Variants in STON2 observed in about 807,000 individuals in gnomAD.
STON2 encodes stonin-2.
Under a neutral mutation model 65.7 loss-of-function variants are expected in STON2, and 29 were observed. The ratio of observed to expected loss-of-function variants is 0.44; its 90% CI spans 0.33 to 0.60. The LOEUF is 0.60. STON2 is among the 20% of genes least tolerant of loss of function. The pLI, the probability that STON2 is intolerant of heterozygous loss-of-function variation, is 0.03. For synonymous variants in STON2, 404 were observed against 414.2 expected, an observed-to-expected ratio of 0.98 and a Z score of 0.30; for missense variants, 1,054 against 1,118.1, an observed-to-expected ratio of 0.94 and a Z score of 0.82.
intron 3 of STON2, among the ~76,000 whole-genome samples, chr14:81,393,811 G>A (rs1045191023): frequency 3.3e-5 from 5 of 152,172 alleles, no homozygotes; most frequent in Admixed American, 1.3e-4. Flanking sequence ...TCAGTGTTAG[G>A]TGTTCAGTAA....
chr14:81,314,915 GCT>G (rs975373054), intron 5 of STON2, among the ~76,000 whole-genome samples: 1 of 152,084 alleles, frequency 6.6e-6, no homozygotes, highest in African/African-American at 2.4e-5. Flanking sequence ...AAGTGGCATG[GCT>G]CACTGCAGCC....
intron 3 of STON2, among the ~76,000 whole-genome samples, chr14:81,378,167 AC>A (rs1385280035): frequency 6.7e-6 from 1 of 150,036 alleles, no homozygotes; most frequent in East Asian, 2.0e-4. Context: ...TTTAATGGGA[AC>A]TTTTTACTGT....
At chr14:81,299,456 C>T (rs1030734780) in intron 5 of STON2, among the ~76,000 whole-genome samples, 1 of 152,088 alleles carries the variant, frequency 6.6e-6, no homozygotes, top group Non-Finnish European at 1.5e-5. Context: ...ACCTATTCAG[C>T]GTTGTAATGG....
intron 3 of STON2, among the ~76,000 whole-genome samples, chr14:81,377,327 T>C (rs1899300294): frequency 6.6e-6 from 1 of 152,208 alleles, no homozygotes; most frequent in African/African-American, 2.4e-5. Flanking sequence ...TTCATCTGAG[T>C]TGTTGCATGT....
chr14:81,379,299 T>C (rs988870561), intron 3 of STON2, among the ~76,000 whole-genome samples: 1 of 151,966 alleles, frequency 6.6e-6, no homozygotes, highest in Non-Finnish European at 1.5e-5. Context: ...ATGAAGCATA[T>C]GTAGTATCAA....
chr14:81,434,126 C>T (rs533016257), intron 1 of STON2, among the ~76,000 whole-genome samples: 12 of 152,206 alleles, frequency 7.9e-5, no homozygotes, highest in East Asian at 1.9e-4. Context: ...TGTGCCACGG[C>T]GCCTCCATTC....
intron 5 of STON2, among the ~76,000 whole-genome samples, chr14:81,303,835 C>T (rs1896065781): frequency 1.3e-5 from 2 of 152,172 alleles, no homozygotes; most frequent in Admixed American, 6.5e-5. Flanking sequence ...CCCTTTTAAC[C>T]TCCTTGAAGT....
intron 1 of STON2, chr14:81,436,277 G>C (rs1220934000): frequency 6.6e-6 from 1 of 151,562 alleles, no homozygotes; most frequent in Non-Finnish European, 1.5e-5. Context: ...GGCCCCTCTT[G>C]GGGGGCGCGC....
Position 81,371,010 on chromosome 14 carries a change from C to G in STON2, c.549G>C (p.Gln183His), listed in dbSNP as rs1259864074. ...LINAEEQTSGQASGADSTDKR... is the reference protein window; with the variant it reads ...LINAEEQTSGHASGADSTDKR... ...TACCAGTTGAGTCAGCCCCAGAAGC[C>G]TGGCCACTCGTCTGCTCCTCAGCAT... Residue 183 changes from glutamine (Q) to histidine (H), a missense_variant, in exon 4 of 8, where the codon CAG becomes CAC. By Grantham distance (24) the Gln-to-His change is conservative. Transcript: ENST00000614646. 3 of 1,612,788 alleles carry G rather than the reference C, an allele frequency of 1.9e-6. No homozygotes were observed. In the African/African-American group the frequency reaches 4.0e-5, roughly 22 times the overall value.
intron 4 of STON2, among the ~76,000 whole-genome samples, chr14:81,356,561 T>C (rs1898242854): frequency 6.6e-6 from 1 of 152,200 alleles, no homozygotes; most frequent in Non-Finnish European, 1.5e-5. Context: ...TTCTATTGAT[T>C]GGAATAGTTT....
At chr14:81,273,306 A>G (rs1306576438) in intron 6 of STON2, among the ~76,000 whole-genome samples, 2 of 152,232 alleles carry the variant, frequency 1.3e-5, no homozygotes, top group Non-Finnish European at 1.5e-5. Flanking sequence ...AATGCATTAA[A>G]TAAGTCCACA....
At chr14:81,337,187 G>C (rs1897405762) in intron 4 of STON2, among the ~76,000 whole-genome samples, 1 of 152,190 alleles carries the variant, frequency 6.6e-6, no homozygotes, top group African/African-American at 2.4e-5. Flanking sequence ...ATTGACCTTT[G>C]TGTTTCAATC....
intron 1 of STON2, among the ~76,000 whole-genome samples, chr14:81,427,784 A>G (rs1161510828): frequency 6.6e-6 from 1 of 152,042 alleles, no homozygotes; most frequent in African/African-American, 2.4e-5. Flanking sequence ...CTGACCGTGC[A>G]AAAACAAAAG....
In STON2 at chr14:81,267,305, G is replaced by A. The variant is rs747241348; in HGVS notation, c.*1109C>T. The A allele has an allele frequency of 9.2e-4, 911 of 985,254 alleles. 1 individual carries two copies. The highest frequency in any genetic ancestry group is 2.1e-3 in the Middle Eastern group (4 of 1,914). The allele number at this position is 985,254 out of a possible 1,614,324, so 61.0% of individuals were successfully genotyped here. On this transcript the variant is annotated 3_prime_UTR_variant, in exon 8 of 8. Coordinates refer to ENST00000614646, the MANE Select transcript of STON2 (RefSeq NM_001394390.1). ...CATTAGAAAAATATGGCTTTTCCAC[G>A]TCTCTACCCTAGAGATGCCTTTTCA...
chr14:81,425,688 A>T (rs73344119), intron 2 of STON2, among the ~76,000 whole-genome samples: 12,139 of 152,154 alleles, frequency 0.08, 780 homozygotes, highest in East Asian at 0.18. Flanking sequence ...ATACTAAAAC[A>T]CTGTCATCCA....
At chr14:81,313,644 A>G (rs1245460213) in intron 5 of STON2, among the ~76,000 whole-genome samples, 5 of 151,956 alleles carry the variant, frequency 3.3e-5, no homozygotes, top group African/African-American at 7.2e-5. Context: ...AAAATACAAA[A>G]ATTAGCCAGG....
chr14:81,310,482 T>C (rs1385417329), intron 5 of STON2, among the ~76,000 whole-genome samples: 2 of 152,158 alleles, frequency 1.3e-5, no homozygotes, highest in Non-Finnish European at 2.9e-5. Flanking sequence ...GTGGTCAACA[T>C]GTGAGTGGCT....
At chr14:81,409,861 C>T (rs535035722) in intron 2 of STON2, among the ~76,000 whole-genome samples, 1 of 152,350 alleles carries the variant, frequency 6.6e-6, no homozygotes, top group East Asian at 1.9e-4. Context: ...CCTATTCCTG[C>T]TTTCCTATCT....
intron 3 of STON2, among the ~76,000 whole-genome samples, chr14:81,393,259 G>A (rs1019369612): frequency 3.2e-4 from 49 of 152,220 alleles, no homozygotes; most frequent in Non-Finnish European, 7.3e-5. Flanking sequence ...AAATGTGAAA[G>A]AATCTGAATG....
Sources: allele counts gnomAD v4.1 joint callset (sites outside exome capture counted in the v4.1 genomes callset), GRCh38; gene constraint gnomAD v4.1.1; transcripts MANE v1.5; gene names NCBI Gene and HGNC (gene_info 2026-07-23, HGNC 2026-07-21).